TTC7A: variants seen among roughly 807,000 people sequenced by gnomAD.
The protein encoded by TTC7A is tetratricopeptide repeat protein 7A.
In TTC7A, 110 loss-of-function variants were observed where a neutral mutation model predicts 103.7. The ratio of observed to expected loss-of-function variants is 1.06; its 90% CI spans 0.91 to 1.24. The LOEUF (loss-of-function observed/expected upper bound fraction) is 1.24, where lower values mean the gene tolerates loss of function less well. TTC7A is among the 50% of genes most tolerant of loss of function. The probability of loss-of-function intolerance (pLI) is 0.00; values close to 1 mark genes in which losing one functional copy is unlikely to be tolerated. For missense variants in TTC7A, 1,340 were observed against 1,116.3 expected (o/e 1.20, Z -2.86); for synonymous variants, 521 against 467.9 (o/e 1.11, Z -1.47).
At position 47,023,468 on chromosome 2, in the gene TTC7A, G is replaced by A. The variant is rs767713361; in HGVS notation, c.1568+3G>A. On this transcript the variant is annotated splice_donor_region_variant and intron_variant, in intron 13 of 19. Coordinates refer to ENST00000319190, the MANE Select transcript of TTC7A (RefSeq NM_020458.4). Reference sequence around the variant, plus strand: ...AAGGCACTGCAGACGCTGGAGAGGTGAGGAGGCTCCCACCTGCAGCAGAGG... The same window carrying A: ...AAGGCACTGCAGACGCTGGAGAGGTAAGGAGGCTCCCACCTGCAGCAGAGG... The A allele has an allele frequency of 4.3e-5, 70 of 1,613,982 alleles. No homozygotes were observed. Among genetic ancestry groups the A allele is most frequent in the Non-Finnish European group, 5.3e-5 (62 of 1,180,002 alleles).
intron 8 of TTC7A, 152 bp from the exon 9 acceptor site, chr2:47,005,770 A>G (rs1463588897): frequency 4.9e-6 from 4 of 809,158 alleles, no homozygotes; most frequent in African/African-American, 1.7e-5. Flanking sequence ...GGAGATAGGA[A>G]AAGGCCATTT....
chr2:47,021,835 C>T (rs1679320723), intron 11 of TTC7A, 27 bp from the exon 12 acceptor site: 3 of 1,594,822 alleles, frequency 1.9e-6, no homozygotes, highest in East Asian at 2.2e-5. Flanking sequence ...ACCCCACCTC[C>T]ATGACCTCTG....
At chr2:47,054,227 A>C in intron 18 of TTC7A, 1 of 931,616 alleles carries the variant, frequency 1.1e-6, no homozygotes, top group South Asian at 5.0e-5. Flanking sequence ...TGTCTTGCAC[A>C]AGGTGGGTGC....
chr2:46,920,420 C>A (rs1030049481), intron 2 of TTC7A, among the ~76,000 whole-genome samples: 2 of 152,068 alleles, frequency 1.3e-5, no homozygotes, highest in Non-Finnish European at 2.9e-5. Flanking sequence ...ATCTTTGCCT[C>A]CTGGGTTCAA....
At chr2:46,960,038 G>T (rs1672234522) in intron 3 of TTC7A, among the ~76,000 whole-genome samples, 1 of 152,158 alleles carries the variant, frequency 6.6e-6, no homozygotes, top group Admixed American at 6.5e-5. Context: ...GGTGGTCTGT[G>T]CCCAGCCACC....
intron 3 of TTC7A, among the ~76,000 whole-genome samples, chr2:46,957,853 G>C (rs967447967): frequency 2.6e-5 from 4 of 152,202 alleles, no homozygotes; most frequent in Admixed American, 2.0e-4. Context: ...AACCTCCAGA[G>C]AAAAGTCTAG....
chr2:46,969,239 C>G (rs1388568706), intron 3 of TTC7A, among the ~76,000 whole-genome samples: 2 of 151,480 alleles, frequency 1.3e-5, no homozygotes, highest in Admixed American at 6.6e-5. Flanking sequence ...CACGGTGGCT[C>G]ACACCTGTAA....
At chr2:47,001,874 AAAAAAG>A (rs1191583711) in intron 8 of TTC7A, among the ~76,000 whole-genome samples, 1 of 151,762 alleles carries the variant, frequency 6.6e-6, no homozygotes, top group Non-Finnish European at 1.5e-5. Context: ...AAAAAAAAAA[AAAAAAG>A]AGTAATGCAT....
chr2:47,012,019 C>A (rs903355787), intron 11 of TTC7A, among the ~76,000 whole-genome samples: 1 of 152,230 alleles, frequency 6.6e-6, no homozygotes, highest in Non-Finnish European at 1.5e-5. Context: ...GGCCTTTAAC[C>A]CCCCAGTTGG....
At chr2:46,919,752 GA>G (rs1669002061) in intron 2 of TTC7A, among the ~76,000 whole-genome samples, 1 of 152,114 alleles carries the variant, frequency 6.6e-6, no homozygotes, top group Non-Finnish European at 1.5e-5. Flanking sequence ...ACAAGTAGAG[GA>G]AAAAACAAGG....
intron 3 of TTC7A, among the ~76,000 whole-genome samples, chr2:46,973,125 A>G (rs1289006048): frequency 6.6e-6 from 1 of 152,188 alleles, no homozygotes; most frequent in Non-Finnish European, 1.5e-5. Flanking sequence ...TGAGGGGACA[A>G]AGACCTTGTT....
Position 47,073,843 on chromosome 2 carries a change from G to GTTGACTGCTTCCTCACCGCCC in TTC7A, c.2502_2522dup (p.Asp834_Leu840dup), listed in dbSNP as rs776010826. The GTTGACTGCTTCCTCACCGCCC allele has an allele frequency of 6.2e-7, 1 of 1,613,774 alleles. No individual in the cohort carries two copies. The highest frequency in any genetic ancestry group is 2.2e-5 in the East Asian group (1 of 44,870). On this transcript the variant is annotated inframe_insertion, in exon 20 of 20. Transcript: ENST00000319190. ...GGCCCAGGGCCAGAACGAGGCTGCC[G>GTTGACTGCTTCCTCACCGCCC]TTGACTGCTTCCTCACCGCCCTTGA... is the stretch of plus-strand genomic sequence containing the variant.
rs771579685 is a variant in TTC7A, at chr2:47,073,899, C to T, written c.2553C>T (p.Phe851=). The T allele has an allele frequency of 6.8e-6, 11 of 1,612,740 alleles. 1 individual carries two copies. In the South Asian group the frequency reaches 1.1e-4, roughly 16 times the overall value. The change falls in exon 20 of 20, where the codon TTC becomes TTT. Residue 851 remains phenylalanine, a synonymous_variant. Coordinates refer to ENST00000319190, the MANE Select transcript of TTC7A (RefSeq NM_020458.4). The stretch of plus-strand genomic sequence containing the variant: ...AGGCCAGCAGCCCTGTACTGCCCTT[C>T]TCCATCATCCCCAGAGAGCTCTGAC... ...ELEASSPVLP[F]SIIPREL is the part of the protein sequence containing the mutation.
At chr2:46,922,807 A>C (rs1480291989) in intron 2 of TTC7A, among the ~76,000 whole-genome samples, 1 of 152,156 alleles carries the variant, frequency 6.6e-6, no homozygotes, top group Non-Finnish European at 1.5e-5. Flanking sequence ...GGAGGCCTCC[A>C]ATTCAATTCA....
intron 1 of TTC7A, 39 bp from the exon 2 acceptor site, chr2:46,950,323 GT>G (rs1410597777): frequency 6.2e-7 from 1 of 1,610,952 alleles, no homozygotes; most frequent in South Asian, 1.1e-5. Context: ...TATCCGCCTT[GT>G]TCGGGGTTTG....
intron 4 of TTC7A, among the ~76,000 whole-genome samples, chr2:46,977,103 G>A (rs1245062495): frequency 6.6e-6 from 1 of 152,202 alleles, no homozygotes; most frequent in African/African-American, 2.4e-5. Flanking sequence ...CTAGGCTTTG[G>A]ACTTTCAAAA....
At chr2:46,938,100 G>T (rs1011120345), upstream of TTC7A, among the ~76,000 whole-genome samples, 5 of 152,100 alleles carry the variant, frequency 3.3e-5, no homozygotes, top group East Asian at 5.8e-4. Flanking sequence ...AACTAGAATG[G>T]GAAACAGCCC....
At chr2:47,024,518 G>A (rs1258924418) in intron 14 of TTC7A, among the ~76,000 whole-genome samples, 159 bp downstream of exon 14, 1 of 152,134 alleles carries the variant, frequency 6.6e-6, no homozygotes, top group Non-Finnish European at 1.5e-5. Context: ...CATCAGAGGG[G>A]CCAGTAAGGA....
chr2:47,010,690 A>G (rs756335773), intron 10 of TTC7A, among the ~76,000 whole-genome samples: 7 of 151,576 alleles, frequency 4.6e-5, no homozygotes, highest in Non-Finnish European at 1.0e-4. Flanking sequence ...CAGAGTCCTT[A>G]TTTATTTGTT....
Sources: gnomAD v4.1 joint callset for allele counts (sites outside exome capture counted in the v4.1 genomes callset) on GRCh38, gnomAD v4.1.1 for gene constraint, MANE v1.5 for transcripts, NCBI Gene and HGNC (gene_info 2026-07-23, HGNC 2026-07-21) for gene names.